PLEKHG4: variants seen among roughly 807,000 people sequenced by gnomAD.
The protein encoded by PLEKHG4 is pleckstrin homology and RhoGEF domain containing G4.
Under a neutral mutation model 136.9 loss-of-function variants are expected in PLEKHG4, and 85 were observed. The ratio of observed to expected loss-of-function variants is 0.62; its 90% CI spans 0.52 to 0.74. The LOEUF is 0.74. Among genes scored for constraint, PLEKHG4 ranks in the 30% least tolerant of loss-of-function variants. PLEKHG4 has a pLI of 0.00. For synonymous variants in PLEKHG4, 577 were observed against 646.9 expected (o/e 0.89, Z 1.64); for missense variants, 1,317 against 1,527.8 (o/e 0.86, Z 2.30).
Position 67,282,218 on chromosome 16 carries a change from A to G in PLEKHG4, c.1122A>G (p.Leu374=). The change falls in exon 9 of 22, where the codon CTA becomes CTG. Residue 374 remains leucine (L), a synonymous_variant. Coordinates refer to ENST00000379344, the MANE Select transcript of PLEKHG4 (RefSeq NM_001129729.3). ...PMEPGEVGQL[L]QQTEVLMQQV... ...AATCACAGGAGGTCGGTCAGCTGCTACAGCAGACAGAGGTCCTGATGCAGC... is the reference window on the plus strand; with the variant it reads ...AATCACAGGAGGTCGGTCAGCTGCTGCAGCAGACAGAGGTCCTGATGCAGC... The G allele has an allele frequency of 3.1e-6, 5 of 1,613,542 alleles. No individual in the cohort carries two copies. Among genetic ancestry groups the G allele is most frequent in the Non-Finnish European group, 4.2e-6 (5 of 1,180,000 alleles).
Position 67,288,226 on chromosome 16 carries a change from G to GTCA in PLEKHG4, c.3280_3281insTCA (p.Gly1094delinsValArg). ...GTTTGACCATGACAGCCTCTACCTG[G>GTCA]GGGCCTCGAACTCCCTTCCTGGAGA... On this transcript the variant is annotated protein_altering_variant, in exon 20 of 22. Transcript: ENST00000379344. 1 of 1,613,986 alleles carries GTCA rather than the reference G, an allele frequency of 6.2e-7. No homozygotes were observed. The highest frequency in any genetic ancestry group is 1.3e-5 in the African/African-American group (1 of 75,016).
At chr16:67,281,308 C>CT (rs1057113627) in intron 5 of PLEKHG4, 124 bp downstream of exon 5, 15 of 786,818 alleles carry the variant, frequency 1.9e-5, no homozygotes, top group South Asian at 7.3e-5. Flanking sequence ...ACTGCAAACT[C>CT]TATCTCCCCG....
At position 67,280,658 on chromosome 16, in the gene PLEKHG4, G is replaced by A. The variant is rs779287911; in HGVS notation, c.500-53G>A. 5 of 1,611,052 alleles carry A rather than the reference G, an allele frequency of 3.1e-6. No individual in the cohort carries two copies. Among genetic ancestry groups the A allele is most frequent in the Non-Finnish European group, 4.2e-6 (5 of 1,178,938 alleles). On this transcript the variant is annotated intron_variant, in intron 2 of 21. Coordinates refer to ENST00000379344, the MANE Select transcript of PLEKHG4 (RefSeq NM_001129729.3). This position sits in a 1 kb window ranked among gnomAD's most constrained non-coding sequence, Gnocchi z 4.4. Reference sequence around the variant, plus strand: ...TCAGGCTGAAGCCCGGGTCCAAGTAGGGGTCTCTGGATAGGTGGTCCAAGG... The same window carrying A: ...TCAGGCTGAAGCCCGGGTCCAAGTAAGGGTCTCTGGATAGGTGGTCCAAGG...
intron 1 of PLEKHG4, 23 bp downstream of exon 1, chr16:67,279,649 G>C (rs948905904): frequency 6.2e-6 from 1 of 162,318 alleles, no homozygotes; most frequent in African/African-American, 2.4e-5. Flanking sequence ...AGCGGGCGAC[G>C]GGGGGGCGCG....
chr16:67,285,643 CA>C (rs1370701774), intron 14 of PLEKHG4, 107 bp downstream of exon 14: 2 of 1,333,506 alleles, frequency 1.5e-6, no homozygotes, highest in Non-Finnish European at 2.1e-6. Context: ...TAGCTATGAG[CA>C]AGACTGGCAG....
chr16:67,285,441 G>A lies in PLEKHG4; in HGVS notation c.2347G>A (p.Glu783Lys). The A allele has an allele frequency of 2.5e-6, 4 of 1,614,176 alleles. No homozygotes were observed. The highest frequency in any genetic ancestry group is 3.4e-6 in the Non-Finnish European group (4 of 1,180,048). Reference sequence around the variant, plus strand: ...GCGTGCCCACCTCTTTGGCAACCTGGAGAAGCTGCGGGACTTCCACTGCCA... The same window carrying A: ...GCGTGCCCACCTCTTTGGCAACCTGAAGAAGCTGCGGGACTTCCACTGCCA... ...GQRAHLFGNL[E>K]KLRDFHCHFF... The change falls in exon 14 of 22, where the codon GAG becomes AAG. Residue 783 changes from glutamate (E) to lysine (K), a missense_variant. Coordinates refer to ENST00000379344, the MANE Select transcript of PLEKHG4 (RefSeq NM_001129729.3).
Position 67,288,410 on chromosome 16 carries a change from G to C in PLEKHG4, c.3454+10G>C. On this transcript the variant is annotated intron_variant, in intron 20 of 21. Transcript: ENST00000379344. ...GGCCAGCCCTCTTTGAGTATGTCTG[G>C]GCCTAGCCAGAGGCAGGAGGGCATG... 1 of 1,612,576 alleles carries C rather than the reference G, an allele frequency of 6.2e-7. No homozygotes were observed. Among genetic ancestry groups the C allele is most frequent in the African/African-American group, 1.3e-5 (1 of 75,044 alleles).
chr16:67,287,659 T>C (rs2036538672), intron 18 of PLEKHG4: 1 of 581,762 alleles, frequency 1.7e-6, no homozygotes, highest in South Asian at 1.9e-5. Flanking sequence ...TCCCAAAGTG[T>C]TGGGATTACA....
intron 18 of PLEKHG4, 144 bp downstream of exon 18, chr16:67,287,321 AGCCAG>A (rs758124623): frequency 8.5e-6 from 7 of 820,024 alleles, no homozygotes; most frequent in Non-Finnish European, 1.2e-5. Context: ...AGGATTTCAA[AGCCAG>A]GCAGCCTTGC....
intron 10 of PLEKHG4, 47 bp from the exon 11 acceptor site, chr16:67,282,695 C>A (rs1378781816): frequency 1.2e-6 from 2 of 1,613,368 alleles, no homozygotes; most frequent in Non-Finnish European, 1.7e-6. Context: ...CGTGAGCCCC[C>A]AGTCCATAGC....
At position 67,280,215 on chromosome 16, in the gene PLEKHG4, G is replaced by A. The variant is rs1050837143; in HGVS notation, c.171G>A (p.Gln57=). 1 of 1,613,834 alleles carries A rather than the reference G, an allele frequency of 6.2e-7. No individual in the cohort carries two copies. The highest frequency in any genetic ancestry group is 1.7e-5 in the Admixed American group (1 of 60,010). Residue 57 remains glutamine (Q), a synonymous_variant, in exon 2 of 22, where the codon CAG becomes CAA. Coordinates refer to ENST00000379344, the MANE Select transcript of PLEKHG4 (RefSeq NM_001129729.3). The surrounding 1 kb of genome is among the most constrained non-coding windows in gnomAD (Gnocchi z 4.4). ...CAAGACCACCAGCCGGGGCCACCCA[G>A]GATGAGGAGCTACAGGGCAGCCCCT... ...GPPRPPAGAT[Q]DEELQGSPLS...
At chr16:67,282,178 C>T (rs2036261503) in intron 8 of PLEKHG4, 23 bp from the exon 9 acceptor site, 1 of 1,613,488 alleles carries the variant, frequency 6.2e-7, no homozygotes, top group African/African-American at 1.3e-5. Context: ...GCCACCTCCA[C>T]AGCTTATTGC....
At position 67,282,050 on chromosome 16, in the gene PLEKHG4, C is replaced by A; in HGVS notation, c.1047C>A (p.Ala349=). ...ALLQNCQAAC[A]LLQGAIESVK... ...TACAGAACTGCCAGGCAGCTTGTGC[C>A]CTGCTCCAGGGGGCCATCGAAAGTG... Residue 349 remains alanine, a synonymous_variant, in exon 8 of 22, where the codon GCC becomes GCA. Coordinates refer to ENST00000379344, the MANE Select transcript of PLEKHG4 (RefSeq NM_001129729.3). The A allele has an allele frequency of 6.2e-7, 1 of 1,613,574 alleles. No individual in the cohort carries two copies.
chr16:67,281,884 G>A, intron 7 of PLEKHG4, 47 bp downstream of exon 7: 2 of 1,557,872 alleles, frequency 1.3e-6, no homozygotes, highest in South Asian at 2.2e-5. Context: ...AGGCAACTTG[G>A]GATCATGGAG....
rs774765609 is a variant in PLEKHG4 at position 67,287,196 on chromosome 16, T to C, written c.3103+19T>C. The C allele has an allele frequency of 4.4e-6, 7 of 1,601,608 alleles. No homozygotes were observed. The East Asian group carries it at 8.9e-5, about 20-fold the overall frequency. On this transcript the variant is annotated intron_variant, in intron 18 of 21. Transcript: ENST00000379344. ...AACAAGGGTGGGTCCATGCCCCTCC[T>C]TCACGCCACACTCCCCTCACTGGAG...
intron 11 of PLEKHG4, among the ~76,000 whole-genome samples, chr16:67,283,828 G>A (rs1232226702): frequency 6.6e-6 from 1 of 152,124 alleles, no homozygotes; most frequent in Non-Finnish European, 1.5e-5. Flanking sequence ...GGTCACACAA[G>A]AGTGCCTGGG....
chr16:67,278,953 C>T (rs1408994004), upstream of PLEKHG4: 2 of 152,384 alleles, frequency 1.3e-5, no homozygotes, highest in Non-Finnish European at 1.5e-5. Flanking sequence ...GTCAGCTCCA[C>T]CCATTGGTCT....
In PLEKHG4 at chr16:67,280,677, T is replaced by C. The variant is rs1467512864; in HGVS notation, c.500-34T>C. The C allele has an allele frequency of 1.2e-6, 2 of 1,613,702 alleles. No homozygotes were observed. Among genetic ancestry groups the C allele is most frequent in the East Asian group, 2.2e-5 (1 of 44,896 alleles). The stretch of plus-strand genomic sequence containing the variant: ...CAAGTAGGGGTCTCTGGATAGGTGG[T>C]CCAAGGCAGACCCAAGTCATTTCCC... On this transcript the variant is annotated intron_variant, in intron 2 of 21. Transcript: ENST00000379344. This position sits in a 1 kb window ranked among gnomAD's most constrained non-coding sequence, Gnocchi z 4.4.
rs1170044776 is a variant in PLEKHG4 at position 67,285,041 on chromosome 16, AGGCCTACAGCTTCGATC to A, written c.2024_2040del (p.Ala675GlufsTer8). 1 of 1,613,514 alleles carries A rather than the reference AGGCCTACAGCTTCGATC, an allele frequency of 6.2e-7. No homozygotes were observed. The highest frequency in any genetic ancestry group is 8.5e-7 in the Non-Finnish European group (1 of 1,180,014). On this transcript the variant is annotated frameshift_variant, in exon 13 of 22. Coordinates refer to ENST00000379344, the MANE Select transcript of PLEKHG4 (RefSeq NM_001129729.3). LOFTEE classifies it high-confidence loss of function. ...GCACCTGCCCACCCTCCCCTGAGGA[AGGCCTACAGCTTCGATC>A]GGAATCTGGGGCAGAGTCTCAGTGA...
Sources: gnomAD v4.1 joint callset for allele counts (sites outside exome capture counted in the v4.1 genomes callset) on GRCh38, gnomAD v4.1.1 for gene constraint, Gnocchi (gnomAD v3.1) non-coding constraint, MANE v1.5 for transcripts, NCBI Gene and HGNC (gene_info 2026-07-23, HGNC 2026-07-21) for gene names.